PRIM2: variants seen among roughly 807,000 people sequenced by gnomAD.
The protein encoded by PRIM2 is DNA primase subunit 2.
Under a neutral mutation model 67.3 loss-of-function variants are expected in PRIM2, and 39 were observed. The observed-to-expected ratio is 0.58, with a 90% CI of 0.45 to 0.76. The LOEUF (loss-of-function observed/expected upper bound fraction) is 0.76. Among genes scored for constraint, PRIM2 ranks in the 30% least tolerant of loss-of-function variants. PRIM2 has a pLI of 0.00. For missense variants in PRIM2, 398 were observed against 598.7 expected (o/e 0.66, Z 3.50); for synonymous variants, 143 against 198.7 (o/e 0.72, Z 2.36).
chr6:57,455,121 T>C (rs1224338976), intron 7 of PRIM2, among the ~76,000 whole-genome samples: 2 of 152,222 alleles, frequency 1.3e-5, no homozygotes, highest in African/African-American at 4.8e-5. Context: ...AATCCTGAGT[T>C]CTAGTTTGAT....
chr6:57,387,963 A>G (rs1669912890), intron 7 of PRIM2, among the ~76,000 whole-genome samples: 1 of 151,930 alleles, frequency 6.6e-6, no homozygotes, highest in East Asian at 1.9e-4. Context: ...ATATAGAGGA[A>G]ACTGCATTCC....
chr6:57,404,647 G>C (rs1314255897), intron 7 of PRIM2, among the ~76,000 whole-genome samples: 1 of 152,266 alleles, frequency 6.6e-6, no homozygotes, highest in East Asian at 1.9e-4. Context: ...GTTGGCTGCA[G>C]TAGTTCAAGC....
the PRIM2 span, among the ~76,000 whole-genome samples, chr6:57,236,622 G>A: frequency 6.6e-6 from 1 of 151,888 alleles, no homozygotes; most frequent in East Asian, 1.9e-4. Flanking sequence ...GTGTCCAGGT[G>A]TTCTCATTGT....
chr6:57,495,014 G>T (rs1448352414), intron 7 of PRIM2, among the ~76,000 whole-genome samples: 6 of 142,188 alleles, frequency 4.2e-5, no homozygotes, highest in Non-Finnish European at 9.3e-5. Context: ...GTTCTGTTTT[G>T]TTTTAAATAT....
At chr6:57,598,409 G>A (rs1179781772) in intron 10 of PRIM2, among the ~76,000 whole-genome samples, 94 of 152,222 alleles carry the variant, frequency 6.2e-4, no homozygotes, top group African/African-American at 2.1e-3. Flanking sequence ...CACTTAACAT[G>A]GGACACCCAC....
At chr6:57,410,983 A>G (rs1352634315) in intron 7 of PRIM2, among the ~76,000 whole-genome samples, 2 of 151,360 alleles carry the variant, frequency 1.3e-5, no homozygotes, top group East Asian at 1.9e-4. Flanking sequence ...TCCAAATCTC[A>G]TGTTGAAATA....
the PRIM2 span, among the ~76,000 whole-genome samples, chr6:57,277,070 C>G: frequency 6.6e-5 from 10 of 151,982 alleles, no homozygotes; most frequent in Non-Finnish European, 1.0e-4. Flanking sequence ...CCTGTGAGTT[C>G]CAGTGGGTGT....
At chr6:57,544,099 G>A (rs1361624635) in intron 10 of PRIM2, among the ~76,000 whole-genome samples, 4 of 152,154 alleles carry the variant, frequency 2.6e-5, no homozygotes, top group Admixed American at 1.3e-4. Flanking sequence ...TCAAAGACAG[G>A]TTTATTTTGG....
At chr6:57,519,034 C>T (rs1774549081) in intron 8 of PRIM2, among the ~76,000 whole-genome samples, 1 of 152,070 alleles carries the variant, frequency 6.6e-6, no homozygotes, top group Non-Finnish European at 1.5e-5. Flanking sequence ...CAGTAGGTTC[C>T]GTGATGCCCC....
the PRIM2 span, among the ~76,000 whole-genome samples, chr6:57,253,286 G>T: frequency 3.3e-5 from 5 of 152,168 alleles, no homozygotes; most frequent in Non-Finnish European, 5.9e-5. Context: ...GCTCCATTTA[G>T]AGAATGATCT....
At chr6:57,475,779 T>C (rs1262330017) in intron 7 of PRIM2, among the ~76,000 whole-genome samples, 17 of 152,184 alleles carry the variant, frequency 1.1e-4, no homozygotes, top group Non-Finnish European at 1.9e-4. Context: ...CACATTTTTA[T>C]TGAGTGCCTA....
At position 57,559,856 on chromosome 6, in the gene PRIM2, A is replaced by T. The variant is rs1334612206; in HGVS notation, c.1020+22231A>T. 9.0e-3 allele frequency among the ~76,000 whole-genome samples: 1,377 copies of T among 152,262 alleles called. 10 individuals are homozygous for T. The highest frequency in any genetic ancestry group is 0.016 in the Non-Finnish European group (1,097 of 68,012). ...ACATTTTTTGTTACTAAAAATGGTA[A>T]TGATCATTTGAGCCTTTGGTGAGTT... On this transcript the variant is annotated intron_variant, in intron 10 of 13. Transcript: ENST00000615550.
intron 8 of PRIM2, among the ~76,000 whole-genome samples, chr6:57,511,261 A>G (rs1774361372): frequency 6.6e-6 from 1 of 152,234 alleles, no homozygotes; most frequent in South Asian, 2.1e-4. Flanking sequence ...GTTGAATCCA[A>G]TTCTCAAGTA....
chr6:57,338,956 A>C (rs1329899277), intron 5 of PRIM2, among the ~76,000 whole-genome samples: 1 of 152,180 alleles, frequency 6.6e-6, no homozygotes, highest in Non-Finnish European at 1.5e-5. Flanking sequence ...CTAGAAAACA[A>C]CATTGTCTCA....
At chr6:57,497,498 T>TATAA (rs1327219555) in intron 7 of PRIM2, 1 of 152,212 alleles carries the variant, frequency 6.6e-6, no homozygotes, top group Non-Finnish European at 1.5e-5. Context: ...CTGCTTGCAC[T>TATAA]ATTCCCAGGT....
the PRIM2 span, among the ~76,000 whole-genome samples, chr6:57,249,737 C>T: frequency 5.4e-3 from 817 of 152,172 alleles, 6 homozygotes; most frequent in Non-Finnish European, 8.5e-3. Context: ...AGTGAAACTG[C>T]GTCTCACAAA....
At chr6:57,638,234 A>G in intron 13 of PRIM2, among the ~76,000 whole-genome samples, 1 of 152,222 alleles carries the variant, frequency 6.6e-6, no homozygotes, top group East Asian at 1.9e-4. Flanking sequence ...CTGCCTTACA[A>G]GAGCTCCTAA....
chr6:57,425,403 G>T (rs1771589762), intron 7 of PRIM2, among the ~76,000 whole-genome samples: 1 of 152,076 alleles, frequency 6.6e-6, no homozygotes, highest in African/African-American at 2.4e-5. Context: ...TTTTAGTAGA[G>T]ATGGGGTTTC....
At chr6:57,428,068 A>G (rs1771690324) in intron 7 of PRIM2, among the ~76,000 whole-genome samples, 1 of 152,124 alleles carries the variant, frequency 6.6e-6, no homozygotes, top group Non-Finnish European at 1.5e-5. Context: ...CTTAAAAAAA[A>G]AATTGCAGTA....
Sources: allele counts gnomAD v4.1 joint callset (sites outside exome capture counted in the v4.1 genomes callset), GRCh38; gene constraint gnomAD v4.1.1; transcripts MANE v1.5; gene names NCBI Gene and HGNC (gene_info 2026-07-23, HGNC 2026-07-21).